Variants in IKZF3 observed in about 807,000 individuals in gnomAD.
IKZF3 encodes IKAROS family zinc finger 3, also known as zinc finger protein Aiolos.
IKZF3 carries 10 observed loss-of-function variants against 49.0 expected under a neutral mutation model. That is an observed-to-expected ratio of 0.20 (90% CI 0.13 to 0.35). The LOEUF is 0.35. IKZF3 is among the 10% of genes least tolerant of loss of function. The pLI is 1.00. For missense variants in IKZF3, 498 were observed against 664.8 expected (o/e 0.75, Z 2.76); for synonymous variants, 209 against 228.2 (o/e 0.92, Z 0.76).
chr17:39,766,344 T>A lies in IKZF3; in HGVS notation c.976A>T (p.Thr326Ser). The change falls in exon 8 of 8, where the codon ACA becomes TCA. Residue 326 changes from threonine (T) to serine (S), a missense_variant. Thr to Ser is a moderately conservative substitution (Grantham distance 58). Transcript: ENST00000346872. ...GAEALRPLVQ[T>S]PPAPTSEMVP... Reference sequence around the variant, plus strand: ...ATCTCCGAGGTGGGAGCAGGCGGTGTCTGGACCAAGGGGCGCAGGGCTTCG... The same window carrying A: ...ATCTCCGAGGTGGGAGCAGGCGGTGACTGGACCAAGGGGCGCAGGGCTTCG... 1 of 1,614,212 alleles carries A rather than the reference T, an allele frequency of 6.2e-7. No homozygotes were observed. The highest frequency in any genetic ancestry group is 1.1e-5 in the South Asian group (1 of 91,084).
chr17:39,796,351 T>C (rs772664496), intron 3 of IKZF3, among the ~76,000 whole-genome samples: 12 of 152,168 alleles, frequency 7.9e-5, no homozygotes, highest in Non-Finnish European at 1.5e-4. Flanking sequence ...ATCACCCTTC[T>C]TCCAGTCTCC....
intron 3 of IKZF3, among the ~76,000 whole-genome samples, chr17:39,805,152 T>C (rs1478964705): frequency 6.6e-6 from 1 of 152,232 alleles, no homozygotes; most frequent in Non-Finnish European, 1.5e-5. Flanking sequence ...TATATTATGC[T>C]GCTTCTATCA....
rs145768877 is a variant in IKZF3, at chr17:39,828,960, C to G, written c.163+427G>C. Among the ~76,000 whole-genome samples, 130 of 151,936 alleles carry G rather than the reference C, an allele frequency of 8.6e-4. 1 individual carries two copies. Among genetic ancestry groups the G allele is most frequent in the African/African-American group, 2.9e-3 (121 of 41,404 alleles). ...AGGTTGCAGTGAGCCGAGATTGCGC[C>G]ACTGCACTCTGGCCTGGGCGACAAA... On this transcript the variant is annotated intron_variant, in intron 3 of 7. Coordinates refer to ENST00000346872, the MANE Select transcript of IKZF3 (RefSeq NM_012481.5).
chr17:39,765,665 A>C lies in IKZF3; in HGVS notation c.*125T>G, dbSNP rs1005485800. On this transcript the variant is annotated 3_prime_UTR_variant, in exon 8 of 8. Coordinates refer to ENST00000346872, the MANE Select transcript of IKZF3 (RefSeq NM_012481.5). The stretch of plus-strand genomic sequence containing the variant: ...TGTTTCCCTGGCTACCCCTGTGAAC[A>C]CAGCTAAAAATGGTATGAAAAGAAG... 1.2e-5 allele frequency: 8 copies of C among 679,420 alleles called. No homozygotes were observed. The Admixed American group carries it at 2.3e-4, about 20-fold the overall frequency. 42.1% of individuals were successfully genotyped at this position (679,420 alleles called of 1,614,324 possible).
chr17:39,862,798 G>A (rs1203197409), intron 1 of IKZF3, among the ~76,000 whole-genome samples: 1 of 151,886 alleles, frequency 6.6e-6, no homozygotes, highest in Non-Finnish European at 1.5e-5. Context: ...GAGTCTTCAG[G>A]CTTATTAAAC....
intron 1 of IKZF3, among the ~76,000 whole-genome samples, chr17:39,860,902 T>C (rs2063198475): frequency 6.6e-6 from 1 of 152,186 alleles, no homozygotes; most frequent in South Asian, 2.1e-4. Context: ...AGTGACAGTC[T>C]AGCAAAAAAT....
At chr17:39,817,197 T>C (rs1477347011) in intron 3 of IKZF3, among the ~76,000 whole-genome samples, 3 of 152,194 alleles carry the variant, frequency 2.0e-5, no homozygotes, top group African/African-American at 7.2e-5. Flanking sequence ...ACTGGAAGCT[T>C]ATAAAGATGC....
At chr17:39,789,857 C>CG (rs1567981822) in intron 5 of IKZF3, among the ~76,000 whole-genome samples, 1 of 147,714 alleles carries the variant, frequency 6.8e-6, no homozygotes, top group African/African-American at 2.5e-5. Flanking sequence ...GCCAAGATCA[C>CG]GCCACTGCAA....
intron 3 of IKZF3, among the ~76,000 whole-genome samples, chr17:39,821,319 C>A (rs1254624349): frequency 6.6e-6 from 1 of 152,040 alleles, no homozygotes; most frequent in East Asian, 1.9e-4. Context: ...ATGGAAAACA[C>A]CCCAGAATTG....
At position 39,792,614 on chromosome 17, in the gene IKZF3, T is replaced by G. The variant is rs571542407; in HGVS notation, c.424+59A>C. On this transcript the variant is annotated intron_variant, in intron 4 of 7. Transcript: ENST00000346872. Reference sequence around the variant, plus strand: ...AAAAGTTCCAAATTCCACCACTTCATTTCTCACGTGGCTGCATTAGGAGAG... The same window carrying G: ...AAAAGTTCCAAATTCCACCACTTCAGTTCTCACGTGGCTGCATTAGGAGAG... 2.5e-5 allele frequency: 38 copies of G among 1,543,090 alleles called. 1 individual carries two copies. The South Asian group carries it at 4.4e-4, about 18-fold the overall frequency.
At chr17:39,775,174 C>A (rs1189928456) in intron 7 of IKZF3, among the ~76,000 whole-genome samples, 1 of 151,644 alleles carries the variant, frequency 6.6e-6, no homozygotes, top group African/African-American at 2.4e-5. Context: ...TAATCCAGTA[C>A]TCTTCTTATT....
intron 3 of IKZF3, among the ~76,000 whole-genome samples, chr17:39,817,446 T>C (rs2061701748): frequency 6.6e-6 from 1 of 152,196 alleles, no homozygotes; most frequent in African/African-American, 2.4e-5. Flanking sequence ...TCTTTTTTTA[T>C]AGATGGAGTC....
At chr17:39,827,048 A>C (rs1248402750) in intron 3 of IKZF3, among the ~76,000 whole-genome samples, 1 of 152,124 alleles carries the variant, frequency 6.6e-6, no homozygotes, top group South Asian at 2.1e-4. Flanking sequence ...CCCAGGCTGG[A>C]GTGCAGTGGT....
chr17:39,807,253 C>T lies in IKZF3; in HGVS notation c.164-14320G>A, dbSNP rs151330975. Among the ~76,000 whole-genome samples the T allele has an allele frequency of 7.4e-3, 1,123 of 152,226 alleles. 14 individuals are homozygous for T. Among genetic ancestry groups the T allele is most frequent in the Middle Eastern group, 0.014 (4 of 294 alleles). On this transcript the variant is annotated intron_variant, in intron 3 of 7. Coordinates refer to ENST00000346872, the MANE Select transcript of IKZF3 (RefSeq NM_012481.5). ...AAATTTACCATACAAGCCAACAATTCTAGGTATCTGCTCAAAAGCAGTGAT... is the reference window on the plus strand; with the variant it reads ...AAATTTACCATACAAGCCAACAATTTTAGGTATCTGCTCAAAAGCAGTGAT...
intron 3 of IKZF3, among the ~76,000 whole-genome samples, chr17:39,817,890 C>T (rs2061713394): frequency 6.6e-6 from 1 of 152,192 alleles, no homozygotes; most frequent in Admixed American, 6.5e-5. Flanking sequence ...CAGCGGATGT[C>T]TGAAATTGCA....
intron 3 of IKZF3, among the ~76,000 whole-genome samples, chr17:39,807,544 ATTTTTTT>A (rs890371023): frequency 7.4e-5 from 6 of 80,780 alleles, no homozygotes; most frequent in Admixed American, 1.7e-4. Context: ...GACTATTTAA[ATTTTTTT>A]TTTTTTTTTT....
At position 39,792,951 on chromosome 17, in the gene IKZF3, C is replaced by A; in HGVS notation, c.164-18G>T. 1.2e-6 allele frequency: 2 copies of A among 1,607,862 alleles called. No homozygotes were observed. The highest frequency in any genetic ancestry group is 1.7e-6 in the Non-Finnish European group (2 of 1,177,106). On this transcript the variant is annotated intron_variant, in intron 3 of 7. Coordinates refer to ENST00000346872, the MANE Select transcript of IKZF3 (RefSeq NM_012481.5). The stretch of plus-strand genomic sequence containing the variant: ...TGAATCATCTGCAGGGAAGAAAATG[C>A]AAGAAATGAACAACGACTATACTTG...
chr17:39,799,551 G>A (rs549169440), intron 3 of IKZF3, among the ~76,000 whole-genome samples: 1 of 152,258 alleles, frequency 6.6e-6, no homozygotes, highest in East Asian at 1.9e-4. Context: ...CCTTGGATAA[G>A]CAGTTCTGCA....
Position 39,847,198 on chromosome 17 carries a change from T to C in IKZF3, c.8-15047A>G, listed in dbSNP as rs368874745. Among the ~76,000 whole-genome samples the C allele has an allele frequency of 2.6e-5, 4 of 152,162 alleles. No individual in the cohort carries two copies. The East Asian group carries it at 5.8e-4, about 22-fold the overall frequency. On this transcript the variant is annotated intron_variant, in intron 1 of 7. Coordinates refer to ENST00000346872, the MANE Select transcript of IKZF3 (RefSeq NM_012481.5). The stretch of plus-strand genomic sequence containing the variant: ...TCGCTGTCATTTCTGCAAAATCCTT[T>C]ACCAGTTCTCCGTATCACCATCATA...
Sources: gnomAD v4.1 joint callset for allele counts (sites outside exome capture counted in the v4.1 genomes callset) on GRCh38, gnomAD v4.1.1 for gene constraint, MANE v1.5 for transcripts, NCBI Gene and HGNC (gene_info 2026-07-23, HGNC 2026-07-21) for gene names.